Variants in FYB2 observed in about 807,000 individuals in gnomAD.
FYB2 encodes the protein FYN binding protein 2.
In FYB2, 103 loss-of-function variants were observed where a neutral mutation model predicts 94.1. That is an observed-to-expected ratio of 1.09 (90% CI 0.93 to 1.29). The LOEUF (loss-of-function observed/expected upper bound fraction) is 1.29, where lower values mean the gene tolerates loss of function less well. Ranked by LOEUF, FYB2 falls within the 50% of genes most tolerant of loss-of-function variation. The pLI, the probability that FYB2 is intolerant of heterozygous loss-of-function variation, is 0.00. For missense variants in FYB2, 896 were observed against 841.5 expected (o/e 1.06, Z -0.80); for synonymous variants, 293 against 287.9 (o/e 1.02, Z -0.18).
rs1644450039 is a variant in FYB2, at chr1:56,719,767, A to AGAC, written c.2166-76_2166-75insGTC. On this transcript the variant is annotated intron_variant, in intron 19 of 19. Coordinates refer to ENST00000343433, the MANE Select transcript of FYB2 (RefSeq NM_001004303.5). ...ACAGTTGAGTGGGAGATTTCTAGGG[A>AGAC]ATTTCTGATCTAGTTTAATATGTTT... The AGAC allele has an allele frequency of 3.8e-6, 5 of 1,298,748 alleles. No individual in the cohort carries two copies. In the South Asian group the frequency reaches 4.1e-5, roughly 11 times the overall value. 80.5% of individuals were successfully genotyped at this position (1,298,748 alleles called of 1,614,324 possible).
chr1:56,719,581 G>T lies in FYB2; in HGVS notation c.*90C>A. The T allele has an allele frequency of 8.6e-7, 1 of 1,159,652 alleles. No individual in the cohort carries two copies. The highest frequency in any genetic ancestry group is 1.7e-5 in the South Asian group (1 of 59,008). The allele number at this position is 1,159,652 out of a possible 1,614,324, so 71.8% of individuals were successfully genotyped here. A position where few individuals can be genotyped will look rare whatever the true frequency, so the allele number is the denominator to read the frequency against. On this transcript the variant is annotated 3_prime_UTR_variant, in exon 20 of 20. Coordinates refer to ENST00000343433, the MANE Select transcript of FYB2 (RefSeq NM_001004303.5). ...ACAGATTCCACCATCTCAAAATTTTGACATGTAAACTGAAACTGATGTAAC... is the reference window on the plus strand; with the variant it reads ...ACAGATTCCACCATCTCAAAATTTTTACATGTAAACTGAAACTGATGTAAC...
chr1:56,723,180 CAA>C (rs1001130893), intron 17 of FYB2, among the ~76,000 whole-genome samples: 28 of 151,450 alleles, frequency 1.8e-4, no homozygotes, highest in East Asian at 3.9e-4. Flanking sequence ...AAAAAGGACT[CAA>C]GAGATTAATT....
chr1:56,794,030 T>C (rs1419908450), intron 1 of FYB2, among the ~76,000 whole-genome samples: 3 of 152,226 alleles, frequency 2.0e-5, no homozygotes, highest in African/African-American at 7.2e-5. Context: ...GAAATGTCCA[T>C]TACAGTGCCT....
intron 1 of FYB2, among the ~76,000 whole-genome samples, chr1:56,794,514 G>T (rs1057097384): frequency 6.6e-6 from 1 of 152,106 alleles, no homozygotes; most frequent in Non-Finnish European, 1.5e-5. Context: ...AATGTTGGGC[G>T]ACCTTTTCTC....
intron 1 of FYB2, among the ~76,000 whole-genome samples, chr1:56,817,272 C>T (rs1289313456): frequency 6.6e-6 from 1 of 152,248 alleles, no homozygotes; most frequent in Non-Finnish European, 1.5e-5. Flanking sequence ...CCTTCTGCCT[C>T]AGGGCGTTTA....
At chr1:56,793,160 C>T (rs563981280) in intron 1 of FYB2, among the ~76,000 whole-genome samples, 7 of 152,168 alleles carry the variant, frequency 4.6e-5, no homozygotes, top group African/African-American at 1.7e-4. Flanking sequence ...AAATAAATTC[C>T]AAACTGCTTT....
chr1:56,820,260 C>T (rs1646975667), upstream of FYB2, among the ~76,000 whole-genome samples: 1 of 150,964 alleles, frequency 6.6e-6, no homozygotes, highest in Non-Finnish European at 1.5e-5. Flanking sequence ...AACTGAGTCT[C>T]AGAGAGATGG....
At chr1:56,781,477 A>G (rs1646007845) in intron 4 of FYB2, among the ~76,000 whole-genome samples, 1 of 152,204 alleles carries the variant, frequency 6.6e-6, no homozygotes, top group South Asian at 2.1e-4. Context: ...TCTGTGACTC[A>G]GTGTCCTCAT....
intron 4 of FYB2, among the ~76,000 whole-genome samples, chr1:56,773,726 G>A (rs1645813596): frequency 6.6e-6 from 1 of 152,140 alleles, no homozygotes; most frequent in South Asian, 2.1e-4. Context: ...AACAAAACCT[G>A]TTAGCCATAC....
intron 15 of FYB2, among the ~76,000 whole-genome samples, chr1:56,726,916 A>AT (rs772531722): frequency 6.0e-5 from 9 of 149,874 alleles, no homozygotes; most frequent in Non-Finnish European, 1.2e-4. Flanking sequence ...TTATAATCAC[A>AT]TTTCATCTCC....
chr1:56,733,788 T>A (rs183270952), intron 15 of FYB2, among the ~76,000 whole-genome samples: 1 of 152,174 alleles, frequency 6.6e-6, no homozygotes, highest in Non-Finnish European at 1.5e-5. Flanking sequence ...CAGTTTGTTA[T>A]GATTTCTGTT....
At chr1:56,812,241 G>GTC (rs1176849513) in intron 1 of FYB2, among the ~76,000 whole-genome samples, 1 of 152,162 alleles carries the variant, frequency 6.6e-6, no homozygotes, top group Non-Finnish European at 1.5e-5. Context: ...TTTGCTCAAG[G>GTC]TCATATTTCA....
intron 4 of FYB2, among the ~76,000 whole-genome samples, chr1:56,778,407 C>T (rs1039072812): frequency 1.3e-5 from 2 of 152,190 alleles, no homozygotes; most frequent in African/African-American, 4.8e-5. Flanking sequence ...TACCCATTGC[C>T]TCATCCAGTG....
In FYB2 at chr1:56,723,683, T is replaced by C. The variant is rs1264586057; in HGVS notation, c.1881-2A>G. On this transcript the variant is annotated splice_acceptor_variant, in intron 16 of 19. Transcript: ENST00000343433. LOFTEE classifies it high-confidence loss of function. The stretch of plus-strand genomic sequence containing the variant: ...TTGAAGAAATTTCTAGGAGAGAAAC[T>C]AGCAAGAAATGTGCAGGTAGGGTAA... The C allele has an allele frequency of 1.3e-6, 2 of 1,520,380 alleles. No individual in the cohort carries two copies. The highest frequency in any genetic ancestry group is 1.8e-6 in the Non-Finnish European group (2 of 1,101,938). The allele number at this position is 1,520,380 out of a possible 1,614,324, so 94.2% of individuals were successfully genotyped here.
chr1:56,767,847 C>T lies in FYB2; in HGVS notation c.1045G>A (p.Ala349Thr). The T allele has an allele frequency of 6.2e-7, 1 of 1,607,174 alleles. No individual in the cohort carries two copies. The highest frequency in any genetic ancestry group is 1.1e-5 in the South Asian group (1 of 90,124). The change falls in exon 5 of 20, where the codon GCA becomes ACA. Residue 349 changes from alanine to threonine, a missense_variant. Coordinates refer to ENST00000343433, the MANE Select transcript of FYB2 (RefSeq NM_001004303.5). Reference sequence around the variant, plus strand: ...GACTTACGATCAGCAATTTCTTTTGCAGTGCACAGGTTAATGGAGTTGCCA... The same window carrying T: ...GACTTACGATCAGCAATTTCTTTTGTAGTGCACAGGTTAATGGAGTTGCCA... ...HSGNSINLCT[A>T]KEIADPTYEV...
chr1:56,725,245 C>T (rs1644561512), intron 16 of FYB2, among the ~76,000 whole-genome samples: 1 of 151,992 alleles, frequency 6.6e-6, no homozygotes, highest in Admixed American at 6.6e-5. Context: ...CCTTAGCCAA[C>T]TTTTCTTTAA....
chr1:56,761,835 T>C (rs1333658940), intron 5 of FYB2: 1 of 152,132 alleles, frequency 6.6e-6, no homozygotes, highest in Non-Finnish European at 1.5e-5. Context: ...TTGAAAGGTA[T>C]CATTTAGATG....
chr1:56,755,068 T>C (rs1645293388), intron 7 of FYB2, among the ~76,000 whole-genome samples: 1 of 152,058 alleles, frequency 6.6e-6, no homozygotes, highest in Non-Finnish European at 1.5e-5. Context: ...TCATCAACCA[T>C]GCTTTTTAAA....
At chr1:56,760,705 T>C (rs1645472131) in intron 5 of FYB2, among the ~76,000 whole-genome samples, 1 of 152,170 alleles carries the variant, frequency 6.6e-6, no homozygotes, top group African/African-American at 2.4e-5. Flanking sequence ...ACTTATTCTG[T>C]CTTAGAAATG....
Sources: gnomAD v4.1 joint callset for allele counts (sites outside exome capture counted in the v4.1 genomes callset) on GRCh38, gnomAD v4.1.1 for gene constraint, MANE v1.5 for transcripts, NCBI Gene and HGNC (gene_info 2026-07-23, HGNC 2026-07-21) for gene names.